Variants in CFAP54 observed in about 807,000 individuals in gnomAD.
The protein encoded by CFAP54 is cilia and flagella associated protein 54.
In CFAP54, 290 loss-of-function variants were observed where a neutral mutation model predicts 370.4. That is an observed-to-expected ratio of 0.78 (90% CI 0.71 to 0.86). CFAP54 has a LOEUF of 0.86. Ranked by LOEUF, CFAP54 falls within the 40% of genes least tolerant of loss-of-function variation. The pLI is 0.00. For missense variants in CFAP54, 3,399 were observed against 3,528.7 expected, an observed-to-expected ratio of 0.96 and a Z score of 0.93; for synonymous variants, 1,206 against 1,236.5, an observed-to-expected ratio of 0.98 and a Z score of 0.52.
intron 25 of CFAP54, among the ~76,000 whole-genome samples, chr12:96,596,526 G>A (rs1956180626): frequency 6.6e-6 from 1 of 152,112 alleles, no homozygotes; most frequent in Admixed American, 6.6e-5. Flanking sequence ...ATTCATCTGA[G>A]AGAAAATAGA....
chr12:96,581,195 G>C, intron 22 of CFAP54, 90 bp downstream of exon 22: 1 of 929,256 alleles, frequency 1.1e-6, no homozygotes, highest in East Asian at 3.0e-5. Flanking sequence ...AAAAATCACA[G>C]CAGATATTCT....
intron 45 of CFAP54, among the ~76,000 whole-genome samples, chr12:96,697,918 T>C (rs930376311): frequency 1.3e-5 from 2 of 152,170 alleles, no homozygotes; most frequent in African/African-American, 4.8e-5. Context: ...CACATTCACC[T>C]CCTGACCTCC....
rs1023355239 is a variant in CFAP54, at chr12:96,627,012, A to G, written c.4103+73A>G. On this transcript the variant is annotated intron_variant, in intron 30 of 67. Transcript: ENST00000524981. Reference sequence around the variant, plus strand: ...AATATCATTGTCAGTTTTAAGAAATATAAGGTAGACGAAAAAGAGAGTGGA... The same window carrying G: ...AATATCATTGTCAGTTTTAAGAAATGTAAGGTAGACGAAAAAGAGAGTGGA... 5 of 1,119,946 alleles carry G rather than the reference A, an allele frequency of 4.5e-6. No individual in the cohort carries two copies. The African/African-American group carries it at 4.7e-5, about 11-fold the overall frequency. The allele number at this position is 1,119,946 out of a possible 1,614,324, so 69.4% of individuals were successfully genotyped here.
chr12:96,741,942 C>T (rs1042471114), intron 51 of CFAP54, among the ~76,000 whole-genome samples: 1 of 152,178 alleles, frequency 6.6e-6, no homozygotes, highest in African/African-American at 2.4e-5. Context: ...TCCTAGGTCT[C>T]AGTTCTCCCA....
chr12:96,864,360 T>G (rs918516716), intron 67 of CFAP54, among the ~76,000 whole-genome samples: 3 of 152,102 alleles, frequency 2.0e-5, no homozygotes, highest in Admixed American at 1.3e-4. Flanking sequence ...TCCCATATCT[T>G]TCTCCATATC....
At position 96,576,864 on chromosome 12, in the gene CFAP54, A is replaced by G. The variant is rs947817509; in HGVS notation, c.2796+103A>G. On this transcript the variant is annotated intron_variant, in intron 20 of 67. Coordinates refer to ENST00000524981, the MANE Select transcript of CFAP54 (RefSeq NM_001306084.2). ...TTGCTTTTAGGAACTGGATAGTCTT[A>G]TTCATAAGCACTGAACACTGGATTA... 15 of 950,506 alleles carry G rather than the reference A, an allele frequency of 1.6e-5. No homozygotes were observed. The African/African-American group carries it at 2.5e-4, about 16-fold the overall frequency. The allele number at this position is 950,506 out of a possible 1,614,324, so 58.9% of individuals were successfully genotyped here.
At chr12:96,778,879 G>GGGA (rs1210430267) in intron 60 of CFAP54, among the ~76,000 whole-genome samples, 1 of 152,076 alleles carries the variant, frequency 6.6e-6, no homozygotes, top group Non-Finnish European at 1.5e-5. Context: ...AGTCTGAGGT[G>GGGA]GGTGGATCAC....
intron 60 of CFAP54, among the ~76,000 whole-genome samples, chr12:96,777,043 A>T (rs1958524174): frequency 6.6e-6 from 1 of 152,206 alleles, no homozygotes; most frequent in African/African-American, 2.4e-5. Context: ...CCTGGAAGTC[A>T]GGTATACTTC....
At chr12:96,621,470 A>G in intron 26 of CFAP54, 120 bp from the exon 27 acceptor site, 1 of 635,336 alleles carries the variant, frequency 1.6e-6, no homozygotes, top group Non-Finnish European at 2.3e-6. Flanking sequence ...TTTTAAAATA[A>G]AAGGGGGATT....
chr12:96,679,279 G>C (rs1957244483), intron 39 of CFAP54, among the ~76,000 whole-genome samples: 1 of 152,086 alleles, frequency 6.6e-6, no homozygotes, highest in Non-Finnish European at 1.5e-5. Flanking sequence ...CTGCTGAAAA[G>C]GAGTAGATTA....
rs531906238 is a variant in CFAP54, at chr12:96,786,325, C to T, written c.8456-350C>T. Among the ~76,000 whole-genome samples the T allele has an allele frequency of 1.9e-3, 282 of 151,652 alleles. 3 individuals are homozygous for T. The highest frequency in any genetic ancestry group is 1.3e-3 in the Non-Finnish European group (89 of 67,956). On this transcript the variant is annotated intron_variant, in intron 61 of 67. Transcript: ENST00000524981. ...GCTTCTGAGTAGCTGGGATTACAGG[C>T]GTGTGCCACCATGCCCAGCTAATTT...
intron 14 of CFAP54, among the ~76,000 whole-genome samples, chr12:96,541,847 T>G (rs575318026): frequency 1.3e-5 from 2 of 152,128 alleles, no homozygotes; most frequent in Non-Finnish European, 2.9e-5. Flanking sequence ...TTTCTCTTTT[T>G]CTTCTTATCC....
chr12:96,780,943 G>GACT (rs2136689785), intron 60 of CFAP54, among the ~76,000 whole-genome samples: 1 of 152,294 alleles, frequency 6.6e-6, no homozygotes, highest in African/African-American at 2.4e-5. Flanking sequence ...GGCTTGTAAA[G>GACT]ACTCCAGTGG....
At chr12:96,594,156 A>T in intron 24 of CFAP54, 135 bp from the exon 25 acceptor site, 2 of 569,024 alleles carry the variant, frequency 3.5e-6, no homozygotes, top group Non-Finnish European at 2.8e-6. Flanking sequence ...GTTGTTTCTG[A>T]ATTTAGATTT....
At chr12:96,725,903 C>T (rs1318913556) in intron 50 of CFAP54, among the ~76,000 whole-genome samples, 4 of 150,398 alleles carry the variant, frequency 2.7e-5, no homozygotes, top group Non-Finnish European at 5.9e-5. Flanking sequence ...TGAATTTTGT[C>T]AAAGGCCTTT....
At chr12:96,490,941 A>G (rs2136338874) in intron 1 of CFAP54, among the ~76,000 whole-genome samples, 1 of 151,924 alleles carries the variant, frequency 6.6e-6, no homozygotes, top group East Asian at 1.9e-4. Context: ...AGAACAGGGA[A>G]TGGTGTTGGA....
intron 48 of CFAP54, among the ~76,000 whole-genome samples, chr12:96,713,287 G>A (rs751638940): frequency 6.6e-6 from 1 of 152,158 alleles, no homozygotes; most frequent in Non-Finnish European, 1.5e-5. Context: ...CAACCTAAGT[G>A]TCCAGCAGTG....
intron 22 of CFAP54, 49 bp downstream of exon 22, chr12:96,581,154 A>G (rs1956029151): frequency 7.9e-7 from 1 of 1,272,692 alleles, no homozygotes; most frequent in Non-Finnish European, 1.0e-6. Context: ...TTTTTCCATT[A>G]AGCAGTTATG....
chr12:96,870,331 A>G (rs1370237802), intron 67 of CFAP54, among the ~76,000 whole-genome samples: 1 of 152,180 alleles, frequency 6.6e-6, no homozygotes, highest in Non-Finnish European at 1.5e-5. Flanking sequence ...TGAATTCTCT[A>G]CTACAAGCTT....
Sources: allele counts gnomAD v4.1 joint callset (sites outside exome capture counted in the v4.1 genomes callset), GRCh38; gene constraint gnomAD v4.1.1; transcripts MANE v1.5; gene names NCBI Gene and HGNC (gene_info 2026-07-23, HGNC 2026-07-21).